Variants in HMX1 observed in about 807,000 individuals in gnomAD.
The protein encoded by HMX1 is homeobox protein HMX1.
A neutral mutation model predicts 8.9 loss-of-function variants in HMX1; 8 were observed. That is an observed-to-expected ratio of 0.90 (90% CI 0.53 to 1.63). The LOEUF is 1.63. HMX1 is among the 40% of genes most tolerant of loss of function. The pLI is 0.00. For synonymous variants in HMX1, 311 were observed against 283.4 expected (o/e 1.10, Z -0.98); for missense variants, 621 against 558.5 (o/e 1.11, Z -1.13).
intron 1 of HMX1, among the ~76,000 whole-genome samples, chr4:8,858,177 A>C (rs747933927): frequency 6.6e-6 from 1 of 152,078 alleles, no homozygotes; most frequent in Non-Finnish European, 1.5e-5. Flanking sequence ...TTAAGAAACA[A>C]ACCCAAATCA....
Position 8,868,208 on chromosome 4 carries a change from C to CG in HMX1, c.531_532insC (p.Glu178ArgfsTer71). 6.8e-7 allele frequency: 1 copy of CG among 1,460,022 alleles called. No homozygotes were observed. The highest frequency in any genetic ancestry group is 9.0e-7 in the Non-Finnish European group (1 of 1,110,978). The allele number at this position is 1,460,022 out of a possible 1,614,324, so 90.4% of individuals were successfully genotyped here. ...GGGACCTCGGCCAGCTCCGACGCCTCCTCCGTGCCGGCCGCCGGGCCACGC... is the reference window on the plus strand; with the variant it reads ...GGGACCTCGGCCAGCTCCGACGCCTCGCTCCGTGCCGGCCGCCGGGCCACGC... On this transcript the variant is annotated frameshift_variant, in exon 2 of 2. Transcript: ENST00000400677. LOFTEE classifies it low-confidence loss of function (END_TRUNC). This position sits in a 1 kb window ranked among gnomAD's most constrained non-coding sequence, Gnocchi z 4.6.
intron 1 of HMX1, among the ~76,000 whole-genome samples, chr4:8,857,555 C>T (rs191721846): frequency 3.2e-4 from 48 of 152,310 alleles, no homozygotes; most frequent in African/African-American, 1.0e-3. Context: ...TAGAGCCCAT[C>T]CCTGGCCTCG....
chr4:8,855,800 G>A (rs1260729311), intron 1 of HMX1, among the ~76,000 whole-genome samples: 3 of 152,096 alleles, frequency 2.0e-5, no homozygotes, highest in African/African-American at 4.8e-5. Context: ...TGGGAGGCTG[G>A]GAGTGAGAGC....
rs985859653 is a variant in HMX1 at position 8,868,348 on chromosome 4, G to A, written c.395-3C>T. 22 of 1,370,488 alleles carry A rather than the reference G, an allele frequency of 1.6e-5. No individual in the cohort carries two copies. Among genetic ancestry groups the A allele is most frequent in the Non-Finnish European group, 2.1e-5 (22 of 1,070,522 alleles). The allele number at this position is 1,370,488 out of a possible 1,614,324, so 84.9% of individuals were successfully genotyped here. A position where few individuals can be genotyped will look rare whatever the true frequency, so the allele number is the denominator to read the frequency against. On this transcript the variant is annotated splice_region_variant and splice_polypyrimidine_tract_variant and intron_variant, in intron 1 of 1. Transcript: ENST00000400677. This position sits in a 1 kb window ranked among gnomAD's most constrained non-coding sequence, Gnocchi z 4.6. The stretch of plus-strand genomic sequence containing the variant: ...CTCCGGTGAGTCCCGGTCGCTGGCT[G>A]CAGGGGAGAGAGGGCACCACCGTTG...
rs145407218 is a variant in HMX1, at chr4:8,871,120, G to A, written c.394+101C>T. The A allele has an allele frequency of 6.9e-4, 803 of 1,165,498 alleles. 11 individuals are homozygous for A. The East Asian group carries it at 0.028, about 41-fold the overall frequency. 72.2% of individuals were successfully genotyped at this position (1,165,498 alleles called of 1,614,324 possible). A position where few individuals can be genotyped will look rare whatever the true frequency, so the allele number is the denominator to read the frequency against. On this transcript the variant is annotated intron_variant, in intron 1 of 1. Transcript: ENST00000400677. The surrounding 1 kb of genome is among the most constrained non-coding windows in gnomAD (Gnocchi z 4.8). ...CGCCGTTCCACAGAAGGGAGAGGAT[G>A]GCCCAGAACGGGCGGCGACGAGCCC...
At chr4:8,859,923 C>A (rs1721740021) in intron 1 of HMX1, among the ~76,000 whole-genome samples, 1 of 152,238 alleles carries the variant, frequency 6.6e-6, no homozygotes, top group African/African-American at 2.4e-5. Context: ...GTGTCCACCT[C>A]TGGATACCCA....
At chr4:8,859,905 C>T (rs1452487436) in intron 1 of HMX1, among the ~76,000 whole-genome samples, 1 of 152,252 alleles carries the variant, frequency 6.6e-6, no homozygotes, top group Non-Finnish European at 1.5e-5. Flanking sequence ...GGCTCTGGGC[C>T]CGGATCTGTG....
intron 1 of HMX1, among the ~76,000 whole-genome samples, chr4:8,846,625 C>T (rs965852711): frequency 2.6e-5 from 4 of 152,186 alleles, no homozygotes; most frequent in African/African-American, 9.6e-5. Flanking sequence ...CCACCTGCAA[C>T]CCCATGAGTC....
At chr4:8,866,503 A>G (rs1722001159), downstream of HMX1, among the ~76,000 whole-genome samples, 1 of 152,186 alleles carries the variant, frequency 6.6e-6, no homozygotes, top group Non-Finnish European at 1.5e-5. Flanking sequence ...TAGGGGAACG[A>G]GCTCTCCTTC....
chr4:8,846,644 G>A (rs921450830), intron 1 of HMX1, among the ~76,000 whole-genome samples: 1 of 152,118 alleles, frequency 6.6e-6, no homozygotes, highest in Non-Finnish European at 1.5e-5. Flanking sequence ...TCCTGAGCAG[G>A]CCTCCTGCCT....
At chr4:8,846,081 G>T in exon 2 of HMX1, 1 of 585,568 alleles carries the variant, frequency 1.7e-6, no homozygotes, top group East Asian at 2.9e-5. Flanking sequence ...CCAGGTGGGT[G>T]CACACACTAA....
rs1722211165 is a variant in HMX1, at chr4:8,871,342, C to T, written c.273G>A (p.Ala91=). The change falls in exon 1 of 2, where the codon GCG becomes GCA. Residue 91 remains alanine (A), a synonymous_variant. Coordinates refer to ENST00000400677, the MANE Select transcript of HMX1 (RefSeq NM_018942.3). This position sits in a 1 kb window ranked among gnomAD's most constrained non-coding sequence, Gnocchi z 4.8. ...GGGGCGGCCGAGGACCGAGGCCCAG[C>T]GCGCCCGGCCCGAGCAGCGCACGGG... is the stretch of plus-strand genomic sequence containing the variant. ...ARARALLGPG[A]LGLGPRPPPG... 2 of 1,275,604 alleles carry T rather than the reference C, an allele frequency of 1.6e-6. No homozygotes were observed. Among genetic ancestry groups the T allele is most frequent in the Non-Finnish European group, 2.0e-6 (2 of 1,013,960 alleles). 79.0% of individuals were successfully genotyped at this position (1,275,604 alleles called of 1,614,324 possible). A position where few individuals can be genotyped will look rare whatever the true frequency, so the allele number is the denominator to read the frequency against.
Position 8,868,158 on chromosome 4 carries a change from G to GCCGCGTGTCTCC in HMX1, c.570_581dup (p.Glu191_Gly194dup), listed in dbSNP as rs1560184219. On this transcript the variant is annotated inframe_insertion, in exon 2 of 2. Transcript: ENST00000400677. This position sits in a 1 kb window ranked among gnomAD's most constrained non-coding sequence, Gnocchi z 4.6. ...TTCGGCCGCCGCCCACGCCAACGCC[G>GCCGCGTGTCTCC]CCGCGTGTCTCCCCAGCCGCCGCAG... 4 of 1,502,650 alleles carry GCCGCGTGTCTCC rather than the reference G, an allele frequency of 2.7e-6. No homozygotes were observed. In the Admixed American group the frequency reaches 8.4e-5, roughly 32 times the overall value. The allele number at this position is 1,502,650 out of a possible 1,614,324, so 93.1% of individuals were successfully genotyped here.
intron 1 of HMX1, among the ~76,000 whole-genome samples, chr4:8,859,432 C>A (rs530749197): frequency 6.6e-6 from 1 of 152,164 alleles, no homozygotes; most frequent in South Asian, 2.1e-4. Flanking sequence ...TTAGAAAATT[C>A]CAAAAATAAA....
chr4:8,867,041 G>A (rs1381534843), downstream of HMX1: 22 of 981,940 alleles, frequency 2.2e-5, no homozygotes, highest in Non-Finnish European at 2.7e-5. Flanking sequence ...ACAAAGCAGT[G>A]AAACTGTCCA....
At chr4:8,854,505 AAT>A (rs1489373022) in intron 1 of HMX1, among the ~76,000 whole-genome samples, 1 of 152,248 alleles carries the variant, frequency 6.6e-6, no homozygotes, top group Non-Finnish European at 1.5e-5. Context: ...AAGCAGCAGG[AAT>A]TCCCTTCCAG....
chr4:8,862,773 C>A (rs547129312), downstream of HMX1, among the ~76,000 whole-genome samples: 1 of 152,294 alleles, frequency 6.6e-6, no homozygotes, highest in South Asian at 2.1e-4. Flanking sequence ...AAAAACTCAG[C>A]CCCACAGCTC....
rs1577202412 is a variant in HMX1, at chr4:8,871,386, G to T, written c.229C>A (p.Pro77Thr). ...GCACGGGCCCGCGCCTCCCCGCCGG[G>T]CCCGGTGCCCGCGAGCAACTGTCGC... Reference protein sequence around the residue: ...RRRQLLAGTGPGGEARARALL... With the variant: ...RRRQLLAGTGTGGEARARALL... Residue 77 changes from proline (P) to threonine (T), a missense_variant, in exon 1 of 2, where the codon CCC becomes ACC. Coordinates refer to ENST00000400677, the MANE Select transcript of HMX1 (RefSeq NM_018942.3). This position sits in a 1 kb window ranked among gnomAD's most constrained non-coding sequence, Gnocchi z 4.8. 1 of 1,244,182 alleles carries T rather than the reference G, an allele frequency of 8.0e-7. No homozygotes were observed. Among genetic ancestry groups the T allele is most frequent in the Non-Finnish European group, 1.0e-6 (1 of 991,682 alleles). 77.1% of individuals were successfully genotyped at this position (1,244,182 alleles called of 1,614,324 possible).
intron 1 of HMX1, among the ~76,000 whole-genome samples, chr4:8,861,376 G>C (rs1023175943): frequency 6.6e-6 from 1 of 152,158 alleles, no homozygotes; most frequent in African/African-American, 2.4e-5. Flanking sequence ...GGCCTGTGCC[G>C]AGGAGCCTCT....
Sources: allele counts gnomAD v4.1 joint callset (sites outside exome capture counted in the v4.1 genomes callset), GRCh38; gene constraint gnomAD v4.1.1; non-coding constraint Gnocchi (gnomAD v3.1); transcripts MANE v1.5; gene names NCBI Gene and HGNC (gene_info 2026-07-23, HGNC 2026-07-21).